Variants in MTFR1L observed in about 807,000 individuals in gnomAD.
MTFR1L encodes mitochondrial fission regulator 1-like.
In MTFR1L, 10 loss-of-function variants were observed where a neutral mutation model predicts 27.9. The observed-to-expected ratio is 0.36, with a 90% confidence interval of 0.22 to 0.61. MTFR1L has a LOEUF of 0.61. Ranked by LOEUF, MTFR1L falls within the 20% of genes least tolerant of loss-of-function variation. The pLI, the probability that MTFR1L is intolerant of heterozygous loss-of-function variation, is 0.73. For synonymous variants in MTFR1L, 151 were observed against 139.4 expected (o/e 1.08, Z -0.58); for missense variants, 315 against 363.7 (o/e 0.87, Z 1.09).
chr1:25,820,569 G>T (rs920561238), intron 1 of MTFR1L: 3 of 374,936 alleles, frequency 8.0e-6, no homozygotes, highest in Non-Finnish European at 1.5e-5. Flanking sequence ...GTGCTGAGCA[G>T]GGCCCTGCGC....
Position 25,826,038 on chromosome 1 carries a change from T to C in MTFR1L, c.130-264T>C, listed in dbSNP as rs2048162937. 1 of 383,008 alleles carries C rather than the reference T, an allele frequency of 2.6e-6. No individual in the cohort carries two copies. Among genetic ancestry groups the C allele is most frequent in the East Asian group, 5.3e-5 (1 of 18,844 alleles). The allele number at this position is 383,008 out of a possible 1,614,324, so 23.7% of individuals were successfully genotyped here. On this transcript the variant is annotated intron_variant, in intron 3 of 6. Coordinates refer to ENST00000374303, the MANE Select transcript of MTFR1L (RefSeq NM_001099625.2). The surrounding 1 kb of genome is among the most constrained non-coding windows in gnomAD (Gnocchi z 4.1). ...TTGGTAGAGGCAGGGTTTTGCCATG[T>C]TGCCCAGGCTGATCTCAAACTCTTG...
Position 25,826,760 on chromosome 1 carries a change from A to G in MTFR1L, c.385A>G (p.Thr129Ala), listed in dbSNP as rs1327211704. 2 of 1,613,964 alleles carry G rather than the reference A, an allele frequency of 1.2e-6. No homozygotes were observed. The highest frequency in any genetic ancestry group is 1.7e-5 in the Admixed American group (1 of 60,002). Reference protein sequence around the residue: ...KPALPALSRTTELQDELSHLR... With the variant: ...KPALPALSRTAELQDELSHLR... ...AGCTCTGCCAGCCCTAAGCCGCACT[A>G]CTGAGCTGCAGGACGAGCTGAGCCA... is the stretch of plus-strand genomic sequence containing the variant. The change falls in exon 5 of 7, where the codon ACT (threonine) becomes GCT (alanine). Residue 129 changes from threonine (T) to alanine (A), a missense_variant. Coordinates refer to ENST00000374303, the MANE Select transcript of MTFR1L (RefSeq NM_001099625.2). This position sits in a 1 kb window ranked among gnomAD's most constrained non-coding sequence, Gnocchi z 4.1.
chr1:25,826,847 G>A lies in MTFR1L; in HGVS notation c.451+21G>A. On this transcript the variant is annotated intron_variant, in intron 5 of 6. Coordinates refer to ENST00000374303, the MANE Select transcript of MTFR1L (RefSeq NM_001099625.2). This position sits in a 1 kb window ranked among gnomAD's most constrained non-coding sequence, Gnocchi z 4.1. Reference sequence around the variant, plus strand: ...TGCAGGTAGGAGCCCCTGTGCCAGGGCCAGAACGTAACAGGCTGTTCCTTT... The same window carrying A: ...TGCAGGTAGGAGCCCCTGTGCCAGGACCAGAACGTAACAGGCTGTTCCTTT... The A allele has an allele frequency of 6.2e-7, 1 of 1,611,454 alleles. No individual in the cohort carries two copies. Among genetic ancestry groups the A allele is most frequent in the Non-Finnish European group, 8.5e-7 (1 of 1,179,124 alleles).
At chr1:25,827,348 C>CT (rs1228822980) in intron 5 of MTFR1L, among the ~76,000 whole-genome samples, 1 of 151,962 alleles carries the variant, frequency 6.6e-6, no homozygotes, top group Non-Finnish European at 1.5e-5. Context: ...GTTGGCCAGG[C>CT]TGGTCTTGTA....
At chr1:25,823,995 C>T (rs901802965) in intron 3 of MTFR1L, among the ~76,000 whole-genome samples, 1 of 152,226 alleles carries the variant, frequency 6.6e-6, no homozygotes, top group Non-Finnish European at 1.5e-5. Flanking sequence ...GAGTTGAACT[C>T]TGCTTTTCTT....
Position 25,826,171 on chromosome 1 carries a change from C to G in MTFR1L, c.130-131C>G. ...CTGTTCAATGTTTTCGACCAGGAAC[C>G]TTCTTCTGCCCCCTCTAGGAAGCCT... On this transcript the variant is annotated intron_variant, in intron 3 of 6. Transcript: ENST00000374303. This position sits in a 1 kb window ranked among gnomAD's most constrained non-coding sequence, Gnocchi z 4.1. 3 of 690,560 alleles carry G rather than the reference C, an allele frequency of 4.3e-6. No individual in the cohort carries two copies. In the East Asian group the frequency reaches 8.3e-5, roughly 19 times the overall value. 42.8% of individuals were successfully genotyped at this position (690,560 alleles called of 1,614,324 possible).
Position 25,826,909 on chromosome 1 carries a change from G to T in MTFR1L, c.451+83G>T, listed in dbSNP as rs367584173. 1,676 of 1,461,136 alleles carry T rather than the reference G, an allele frequency of 1.1e-3. 29 individuals carry two copies. In the South Asian group the frequency reaches 0.02, roughly 18 times the overall value. The allele number at this position is 1,461,136 out of a possible 1,614,324, so 90.5% of individuals were successfully genotyped here. ...TGGGCAGGATAGGGGTAAAGAAAGT[G>T]GTAATCCTTGGTTTGCAGGTACTTA... On this transcript the variant is annotated intron_variant, in intron 5 of 6. Coordinates refer to ENST00000374303, the MANE Select transcript of MTFR1L (RefSeq NM_001099625.2). The surrounding 1 kb of genome is among the most constrained non-coding windows in gnomAD (Gnocchi z 4.1).
chr1:25,829,808 C>A lies in MTFR1L; in HGVS notation c.751C>A (p.Arg251=). The change falls in exon 6 of 7, where the codon CGA becomes AGA. Residue 251 remains arginine (R), a synonymous_variant. Coordinates refer to ENST00000374303, the MANE Select transcript of MTFR1L (RefSeq NM_001099625.2). ...GATGGGTATCCTGAAGGACTTTCACCGAATGAAACAGAGTCAAGATCTGTA... is the reference window on the plus strand; with the variant it reads ...GATGGGTATCCTGAAGGACTTTCACAGAATGAAACAGAGTCAAGATCTGTA... ...DMMGILKDFH[R]MKQSQDLNRS... 1 of 1,602,930 alleles carries A rather than the reference C, an allele frequency of 6.2e-7. No homozygotes were observed. The highest frequency in any genetic ancestry group is 8.5e-7 in the Non-Finnish European group (1 of 1,178,584).
intron 1 of MTFR1L, chr1:25,820,410 C>A (rs566529955): frequency 9.0e-6 from 4 of 446,428 alleles, no homozygotes; most frequent in African/African-American, 8.3e-5. Context: ...CCGACCTTGG[C>A]CCAGGTCGGG....
At chr1:25,820,796 C>G (rs2048079573) in intron 1 of MTFR1L, 1 of 426,972 alleles carries the variant, frequency 2.3e-6, no homozygotes, top group Non-Finnish European at 4.6e-6. Flanking sequence ...TCACTGTGTC[C>G]TAGGCAGACA....
chr1:25,823,911 T>C (rs565312585), intron 3 of MTFR1L, among the ~76,000 whole-genome samples, 163 bp downstream of exon 3: 3 of 152,354 alleles, frequency 2.0e-5, no homozygotes, highest in African/African-American at 7.2e-5. Flanking sequence ...TGTGTCCTCC[T>C]GAGTGCATAC....
At chr1:25,823,473 T>A (rs1299576771) in intron 2 of MTFR1L, 171 bp from the exon 3 acceptor site, 1 of 1,085,514 alleles carries the variant, frequency 9.2e-7, no homozygotes, top group East Asian at 2.6e-5. Context: ...GGGTGTAGGC[T>A]GGCAACTGGG....
chr1:25,831,261 G>C (rs927252276), intron 6 of MTFR1L, among the ~76,000 whole-genome samples: 53 of 152,272 alleles, frequency 3.5e-4, no homozygotes, highest in African/African-American at 1.3e-3. Context: ...CATGATGAAT[G>C]TATATAAGTT....
At position 25,826,248 on chromosome 1, in the gene MTFR1L, CTGATTG is replaced by C. The variant is rs1271960321; in HGVS notation, c.130-53_130-48del. The C allele has an allele frequency of 2.9e-5, 44 of 1,508,462 alleles. No homozygotes were observed. Among genetic ancestry groups the C allele is most frequent in the Non-Finnish European group, 3.7e-5 (40 of 1,087,706 alleles). The allele number at this position is 1,508,462 out of a possible 1,614,324, so 93.4% of individuals were successfully genotyped here. On this transcript the variant is annotated intron_variant, in intron 3 of 6. Coordinates refer to ENST00000374303, the MANE Select transcript of MTFR1L (RefSeq NM_001099625.2). This position sits in a 1 kb window ranked among gnomAD's most constrained non-coding sequence, Gnocchi z 4.1. ...ACCCCTCCTGTGTATTCTGCAGTTT[CTGATTG>C]GCTCATCATGGCATCTGTAAATGTT...
intron 2 of MTFR1L, 57 bp from the exon 3 acceptor site, chr1:25,823,587 G>A (rs1163622351): frequency 6.3e-7 from 1 of 1,590,822 alleles, no homozygotes; most frequent in Non-Finnish European, 8.6e-7. Flanking sequence ...GAGAGGACAA[G>A]GACAGTAGTT....
At chr1:25,824,130 C>T (rs2048136610) in intron 3 of MTFR1L, among the ~76,000 whole-genome samples, 1 of 152,214 alleles carries the variant, frequency 6.6e-6, no homozygotes. Flanking sequence ...CCTGCCTCAG[C>T]CTCCTATGTA....
chr1:25,825,263 A>G (rs1400782397), intron 3 of MTFR1L, among the ~76,000 whole-genome samples: 1 of 152,170 alleles, frequency 6.6e-6, no homozygotes, highest in East Asian at 1.9e-4. Context: ...TGCATTTATT[A>G]TTATTATTAA....
At chr1:25,827,150 C>G (rs74706939) in intron 5 of MTFR1L, among the ~76,000 whole-genome samples, 4,141 of 147,264 alleles carry the variant, frequency 0.028, 179 homozygotes, top group African/African-American at 0.093. Context: ...TTTTTTTTTT[C>G]TCCTCTGAGT....
At position 25,826,576 on chromosome 1, in the gene MTFR1L, G is replaced by A. The variant is rs1226723832; in HGVS notation, c.240-39G>A. 4 of 1,611,194 alleles carry A rather than the reference G, an allele frequency of 2.5e-6. No homozygotes were observed. The highest frequency in any genetic ancestry group is 3.4e-6 in the Non-Finnish European group (4 of 1,177,464). On this transcript the variant is annotated intron_variant, in intron 4 of 6. Coordinates refer to ENST00000374303, the MANE Select transcript of MTFR1L (RefSeq NM_001099625.2). The surrounding 1 kb of genome is among the most constrained non-coding windows in gnomAD (Gnocchi z 4.1). ...AGGAACCTTAGGAGCACAGTGGCCT[G>A]CTGTCTCTAACTGATCTACTTGGTT...
Sources: gnomAD v4.1 joint callset for allele counts (sites outside exome capture counted in the v4.1 genomes callset) on GRCh38, gnomAD v4.1.1 for gene constraint, Gnocchi (gnomAD v3.1) non-coding constraint, MANE v1.5 for transcripts, NCBI Gene and HGNC (gene_info 2026-07-23, HGNC 2026-07-21) for gene names.